Variants in ERAP1 observed in about 807,000 individuals in gnomAD.
ERAP1 encodes the protein adipocyte-derived leucine aminopeptidase.
A neutral mutation model predicts 103.7 loss-of-function variants in ERAP1; 86 were observed. The ratio of observed to expected loss-of-function variants is 0.83; its 90% CI spans 0.70 to 0.99. The LOEUF is 0.99. ERAP1 is among the 50% of genes least tolerant of loss of function. ERAP1 has a pLI of 0.00. For synonymous variants in ERAP1, 398 were observed against 402.4 expected, an observed-to-expected ratio of 0.99 and a Z score of 0.13; for missense variants, 1,009 against 1,128.4, an observed-to-expected ratio of 0.89 and a Z score of 1.52.
At chr5:96,840,582 GT>G in the ERAP1 span, among the ~76,000 whole-genome samples, 1 of 152,102 alleles carries the variant, frequency 6.6e-6, no homozygotes, top group Non-Finnish European at 1.5e-5. Flanking sequence ...ATGTTAACTC[GT>G]AATCTCAGTT....
At chr5:96,880,292 T>G in the ERAP1 span, 3 of 1,555,692 alleles carry the variant, frequency 1.9e-6, no homozygotes, top group Admixed American at 3.8e-5. Context: ...TTACATTCTT[T>G]TGTGATAATT....
chr5:96,886,990 A>G, the ERAP1 span, among the ~76,000 whole-genome samples: 2 of 151,412 alleles, frequency 1.3e-5, no homozygotes, highest in Admixed American at 6.6e-5. Flanking sequence ...AGCCTTCCAA[A>G]TATTTTCTAT....
chr5:96,790,517 C>G lies in ERAP1; in HGVS notation c.1447G>C (p.Ala483Pro). 1 of 1,613,872 alleles carries G rather than the reference C, an allele frequency of 6.2e-7. No individual in the cohort carries two copies. The highest frequency in any genetic ancestry group is 1.1e-5 in the South Asian group (1 of 91,084). The change falls in exon 9 of 19, where the codon GCA becomes CCA. Residue 483 changes from alanine (A) to proline (P), a missense_variant. Physicochemically the swap from Ala to Pro is conservative, Grantham distance 27. Transcript: ENST00000443439. ...ATATTCAAAAACATACTCACACTTG[C>G]CATACTATCCCACAGGTCCTCGTTT... ...TKNEDLWDSM[A>P]SICPTDGVKG...
At chr5:96,897,939 G>A in the ERAP1 span, among the ~76,000 whole-genome samples, 2 of 152,216 alleles carry the variant, frequency 1.3e-5, no homozygotes, top group Non-Finnish European at 2.9e-5. Flanking sequence ...GCTCACGCCT[G>A]TAATCCCAAG....
At chr5:96,877,343 T>TA in the ERAP1 span, among the ~76,000 whole-genome samples, 5 of 152,238 alleles carry the variant, frequency 3.3e-5, no homozygotes, top group East Asian at 9.6e-4. Context: ...GTTCTAAAGT[T>TA]AAAGACTGTG....
chr5:96,883,982 T>C, the ERAP1 span: 4 of 1,511,114 alleles, frequency 2.6e-6, no homozygotes, highest in African/African-American at 1.4e-5. Flanking sequence ...TGAGACTCAG[T>C]CTTCGTTTGT....
chr5:96,765,327 T>TAAAAAAAAAAAAAAAAAA, intron 19 of ERAP1: 1 of 457,942 alleles, frequency 2.2e-6, no homozygotes, highest in South Asian at 3.3e-5. Flanking sequence ...AAAGTAAAGG[T>TAAAAAAAAAAAAAAAAAA]AAAAAAAAAA....
the ERAP1 span, chr5:96,892,497 A>T: frequency 1.2e-6 from 2 of 1,607,954 alleles, no homozygotes; most frequent in South Asian, 2.2e-5. Flanking sequence ...GTTCAAAATA[A>T]CATTATATAG....
At chr5:96,883,856 C>T in the ERAP1 span, 5 of 1,613,916 alleles carry the variant, frequency 3.1e-6, no homozygotes, top group Non-Finnish European at 4.2e-6. Context: ...CTTTGATGAA[C>T]CGTTGTTCAA....
the ERAP1 span, among the ~76,000 whole-genome samples, chr5:96,830,896 C>A: frequency 6.6e-6 from 1 of 152,134 alleles, no homozygotes; most frequent in Non-Finnish European, 1.5e-5. Flanking sequence ...TTCCAGGATC[C>A]CTGCAAATAC....
At chr5:96,795,625 CTAGTA>C (rs1777266091) in intron 4 of ERAP1, among the ~76,000 whole-genome samples, 1 of 152,210 alleles carries the variant, frequency 6.6e-6, no homozygotes, top group South Asian at 2.1e-4. Flanking sequence ...CTGCATAAAG[CTAGTA>C]CCCAAAGGCC....
At chr5:96,801,303 CA>C (rs1241938227) in intron 2 of ERAP1, among the ~76,000 whole-genome samples, 1 of 151,394 alleles carries the variant, frequency 6.6e-6, no homozygotes, top group Non-Finnish European at 1.5e-5. Flanking sequence ...ACCAAAAATA[CA>C]AAAATTAGCC....
chr5:96,785,796 C>T lies in ERAP1; in HGVS notation c.1935G>A (p.Gln645=). The T allele has an allele frequency of 6.2e-7, 1 of 1,614,066 alleles. No individual in the cohort carries two copies. The highest frequency in any genetic ancestry group is 8.5e-7 in the Non-Finnish European group (1 of 1,179,988). Reference sequence around the variant, plus strand: ...TGTGCAGCGTGTATTACCTGACGAGCTGAAATGCATTGTTAATGAGACTCG... The same window carrying T: ...TGTGCAGCGTGTATTACCTGACGAGTTGAAATGCATTGTTAATGAGACTCG... ...DRASLINNAF[Q]LVSIGKLSIE... is the part of the protein sequence containing the mutation. The change falls in exon 13 of 19, where the codon CAG becomes CAA. Residue 645 remains glutamine, a synonymous_variant. Coordinates refer to ENST00000443439, the MANE Select transcript of ERAP1 (RefSeq NM_001040458.3).
the ERAP1 span, among the ~76,000 whole-genome samples, chr5:96,837,319 T>C: frequency 6.6e-6 from 1 of 152,200 alleles, no homozygotes. Flanking sequence ...GGGTACATAG[T>C]TTTTCAAAGT....
intron 15 of ERAP1, among the ~76,000 whole-genome samples, 155 bp from the exon 16 acceptor site, chr5:96,782,009 T>TTTTTAA (rs1775257333): frequency 9.3e-5 from 1 of 10,782 alleles, no homozygotes; most frequent in African/African-American, 3.1e-4. Flanking sequence ...TCAGTTACAA[T>TTTTTAA]TTTTTTTTTT....
the ERAP1 span, chr5:96,892,342 T>C: frequency 3.1e-6 from 5 of 1,613,868 alleles, no homozygotes; most frequent in African/African-American, 5.3e-5. Flanking sequence ...CCATGGAAAA[T>C]TGGGGCCTCA....
the ERAP1 span, among the ~76,000 whole-genome samples, chr5:96,819,024 C>T: frequency 6.6e-6 from 1 of 152,090 alleles, no homozygotes; most frequent in Non-Finnish European, 1.5e-5. Context: ...CTTCCAGGTT[C>T]AAGCGATTCT....
At chr5:96,873,527 G>A in the ERAP1 span, 1 of 454,946 alleles carries the variant, frequency 2.2e-6, no homozygotes, top group Admixed American at 2.4e-5. Context: ...TGTGGTAGGT[G>A]GTTTACACAG....
the ERAP1 span, among the ~76,000 whole-genome samples, chr5:96,908,739 T>G: frequency 2.6e-5 from 4 of 152,220 alleles, no homozygotes; most frequent in Admixed American, 2.0e-4. Context: ...GAAGATAGTA[T>G]TATTATCCCC....
Sources: allele counts gnomAD v4.1 joint callset (sites outside exome capture counted in the v4.1 genomes callset), GRCh38; gene constraint gnomAD v4.1.1; transcripts MANE v1.5; gene names NCBI Gene and HGNC (gene_info 2026-07-23, HGNC 2026-07-21).